The following TIMMDC1 variants were observed in gnomAD, a reference collection of about 807,000 sequenced individuals.
The protein encoded by TIMMDC1 is complex I assembly factor TIMMDC1, mitochondrial.
TIMMDC1 carries 25 observed loss-of-function variants against 32.6 expected under a neutral mutation model. The ratio of observed to expected loss-of-function variants is 0.77; its 90% CI spans 0.56 to 1.07. The LOEUF is 1.07. Among genes scored for constraint, TIMMDC1 ranks in the 50% least tolerant of loss-of-function variants. The pLI is 0.00. For missense variants in TIMMDC1, 329 were observed against 349.2 expected (o/e 0.94, Z 0.46); for synonymous variants, 130 against 127.6 (o/e 1.02, Z -0.13).
intron 5 of TIMMDC1, among the ~76,000 whole-genome samples, chr3:119,514,762 G>A (rs1245407408): frequency 6.6e-6 from 1 of 152,180 alleles, no homozygotes; most frequent in African/African-American, 2.4e-5. Context: ...TAGTTCTGTA[G>A]ATTATAAATC....
intron 1 of TIMMDC1, 154 bp downstream of exon 1, chr3:119,499,081 C>A: frequency 2.3e-4 from 122 of 524,824 alleles, no homozygotes; most frequent in Non-Finnish European, 3.7e-4. Context: ...AAGCTTGTAT[C>A]TTTTTTCTTT....
intron 6 of TIMMDC1, among the ~76,000 whole-genome samples, chr3:119,517,525 A>G (rs1250824083): frequency 6.6e-6 from 1 of 152,238 alleles, no homozygotes; most frequent in Non-Finnish European, 1.5e-5. Context: ...TTTTAATTTA[A>G]TGAAGATCTT....
At chr3:119,518,560 A>C (rs2082001548) in intron 6 of TIMMDC1, among the ~76,000 whole-genome samples, 1 of 152,024 alleles carries the variant, frequency 6.6e-6, no homozygotes, top group Non-Finnish European at 1.5e-5. Flanking sequence ...TCTCAAAAAA[A>C]AAAAAAAATT....
intron 1 of TIMMDC1, among the ~76,000 whole-genome samples, chr3:119,499,944 T>G (rs1012480995): frequency 6.6e-6 from 1 of 152,182 alleles, no homozygotes; most frequent in Non-Finnish European, 1.5e-5. Flanking sequence ...AAAAAAACAT[T>G]TATTTGTTTA....
rs976966396 is a variant in TIMMDC1 at position 119,524,606 on chromosome 3, A to G, written c.*850A>G. 3 of 152,238 alleles carry G rather than the reference A, an allele frequency of 2.0e-5. No individual in the cohort carries two copies. The highest frequency in any genetic ancestry group is 4.4e-5 in the Non-Finnish European group (3 of 68,038). 9.4% of individuals were successfully genotyped at this position (152,238 alleles called of 1,614,324 possible). A position where few individuals can be genotyped will look rare whatever the true frequency, so the allele number is the denominator to read the frequency against. ...GCTTTAAATCCCAGCCATGTGGCTT[A>G]GCTGCCATGAGATGTGCATTTGAGA... is the stretch of plus-strand genomic sequence containing the variant. On this transcript the variant is annotated 3_prime_UTR_variant, in exon 7 of 7. Transcript: ENST00000494664.
At chr3:119,503,448 TA>T in intron 2 of TIMMDC1, 83 bp from the exon 3 acceptor site, 1 of 960,074 alleles carries the variant, frequency 1.0e-6, no homozygotes, top group Non-Finnish European at 1.5e-6. Context: ...GACTAATCCA[TA>T]GCTAAAATTC....
At chr3:119,515,399 C>CG (rs2081979479) in intron 5 of TIMMDC1, among the ~76,000 whole-genome samples, 2 of 152,072 alleles carry the variant, frequency 1.3e-5, no homozygotes, top group East Asian at 3.9e-4. Flanking sequence ...TCTCATACTT[C>CG]AAATCTTTAA....
chr3:119,510,534 T>C (rs1428756289), intron 4 of TIMMDC1, among the ~76,000 whole-genome samples: 1 of 152,084 alleles, frequency 6.6e-6, no homozygotes, highest in Non-Finnish European at 1.5e-5. Flanking sequence ...AACTGTAAAA[T>C]TAAAATCTGT....
chr3:119,516,200 C>T (rs2081984454), intron 5 of TIMMDC1, among the ~76,000 whole-genome samples: 5 of 152,102 alleles, frequency 3.3e-5, no homozygotes, highest in Admixed American at 2.6e-4. Flanking sequence ...ATCTCTAGAA[C>T]TTTTTTATCT....
chr3:119,505,638 AT>A (rs1357542213), intron 4 of TIMMDC1, among the ~76,000 whole-genome samples: 1 of 152,242 alleles, frequency 6.6e-6, no homozygotes, highest in Non-Finnish European at 1.5e-5. Flanking sequence ...GAGTGCTGGG[AT>A]TACAGGCGTA....
intron 4 of TIMMDC1, among the ~76,000 whole-genome samples, chr3:119,504,287 G>A (rs1163339506): frequency 2.0e-5 from 3 of 152,178 alleles, no homozygotes; most frequent in African/African-American, 4.8e-5. Flanking sequence ...GTAACAATTC[G>A]GTGGAACAAT....
intron 4 of TIMMDC1, among the ~76,000 whole-genome samples, chr3:119,511,081 A>G (rs1378215047): frequency 6.6e-6 from 1 of 152,062 alleles, no homozygotes; most frequent in Non-Finnish European, 1.5e-5. Context: ...AAAGACATAC[A>G]TTTTTCTTAA....
intron 6 of TIMMDC1, among the ~76,000 whole-genome samples, chr3:119,520,704 GA>G (rs1244865196): frequency 6.6e-6 from 1 of 152,148 alleles, no homozygotes; most frequent in Admixed American, 6.5e-5. Context: ...AAATATTGAA[GA>G]TGAGAGAGTT....
intron 6 of TIMMDC1, among the ~76,000 whole-genome samples, chr3:119,519,454 T>TA (rs1405318210): frequency 2.0e-5 from 3 of 151,836 alleles, no homozygotes; most frequent in African/African-American, 7.3e-5. Context: ...TGAGCAGGAA[T>TA]AGCTATACTT....
chr3:119,499,268 T>TG, intron 1 of TIMMDC1, among the ~76,000 whole-genome samples: 1 of 151,358 alleles, frequency 6.6e-6, no homozygotes, highest in Non-Finnish European at 1.5e-5. Flanking sequence ...TAATTTTTTT[T>TG]TAATGTATTT....
chr3:119,511,504 A>G (rs2081952550), intron 4 of TIMMDC1, among the ~76,000 whole-genome samples: 1 of 149,228 alleles, frequency 6.7e-6, no homozygotes, highest in Admixed American at 6.7e-5. Flanking sequence ...AGAAAAAAAA[A>G]TTTGTGCGTA....
rs775801926 is a variant in TIMMDC1 at position 119,498,808 on chromosome 3, C to G, written c.75C>G (p.Ala25=). 7.4e-5 allele frequency: 120 copies of G among 1,614,078 alleles called. No homozygotes were observed. Among genetic ancestry groups the G allele is most frequent in the Non-Finnish European group, 1.0e-4 (119 of 1,180,048 alleles). The change falls in exon 1 of 7, where the codon GCC becomes GCG. Residue 25 remains alanine, a synonymous_variant. Coordinates refer to ENST00000494664, the MANE Select transcript of TIMMDC1 (RefSeq NM_016589.4). ...GCCTATTTCCCCGAGTCTTTGCTGC[C>G]GAAGCTGTGACTGCCGATTCGGAAG... The part of the protein sequence containing the change: ...ALCLFPRVFA[A]EAVTADSEVL...
chr3:119,522,983 A>C (rs1172575086), intron 6 of TIMMDC1, among the ~76,000 whole-genome samples: 1 of 152,236 alleles, frequency 6.6e-6, no homozygotes, highest in Non-Finnish European at 1.5e-5. Context: ...GACTATAGAG[A>C]TATAGAAGAA....
At position 119,500,693 on chromosome 3, in the gene TIMMDC1, A is replaced by T. The variant is rs780054086; in HGVS notation, c.195-2A>T. 4 of 1,611,506 alleles carry T rather than the reference A, an allele frequency of 2.5e-6. No homozygotes were observed. In the South Asian group the frequency reaches 4.4e-5, roughly 18 times the overall value. ...AACAACATTGTCTTTTTGATGTTGT[A>T]GTGAACAGCAGAGAATTTCAAAGGA... On this transcript the variant is annotated splice_acceptor_variant, in intron 1 of 6. Coordinates refer to ENST00000494664, the MANE Select transcript of TIMMDC1 (RefSeq NM_016589.4). LOFTEE classifies it high-confidence loss of function.
Sources: allele counts gnomAD v4.1 joint callset (sites outside exome capture counted in the v4.1 genomes callset), GRCh38; gene constraint gnomAD v4.1.1; transcripts MANE v1.5; gene names NCBI Gene and HGNC (gene_info 2026-07-23, HGNC 2026-07-21).